The following MAP3K20 variants were observed in gnomAD, a reference collection of about 807,000 sequenced individuals.
MAP3K20 encodes the protein HCCS-4.
Under a neutral mutation model 85.7 loss-of-function variants are expected in MAP3K20, and 40 were observed. The observed-to-expected ratio is 0.47, with a 90% CI of 0.36 to 0.61. MAP3K20 has a LOEUF of 0.61. Among genes scored for constraint, MAP3K20 ranks in the 20% least tolerant of loss-of-function variants. The probability of loss-of-function intolerance (pLI) is 0.00; values close to 1 mark genes in which losing one functional copy is unlikely to be tolerated. For synonymous variants in MAP3K20, 325 were observed against 327.7 expected, an observed-to-expected ratio of 0.99 and a Z score of 0.09; for missense variants, 817 against 961.7, an observed-to-expected ratio of 0.85 and a Z score of 1.99.
At chr2:173,154,906 G>A (rs1332481776) in intron 2 of MAP3K20, among the ~76,000 whole-genome samples, 3 of 152,144 alleles carry the variant, frequency 2.0e-5, no homozygotes, top group African/African-American at 7.2e-5. Context: ...GGATTAGGGT[G>A]CCAATAGAAA....
rs575273565 is a variant in MAP3K20, at chr2:173,215,457, G to A, written c.852-1658G>A. 2.6e-5 allele frequency among the ~76,000 whole-genome samples: 4 copies of A among 152,280 alleles called. No individual in the cohort carries two copies. The South Asian group carries it at 8.3e-4, about 32-fold the overall frequency. On this transcript the variant is annotated intron_variant, in intron 10 of 19. Coordinates refer to ENST00000375213, the MANE Select transcript of MAP3K20 (RefSeq NM_016653.3). ...CATAATATTTTTGTCAGAAATATCA[G>A]GGATAAAATTTGGATTTTATGGTAC...
intron 2 of MAP3K20, 80 bp from the exon 3 acceptor site, chr2:173,169,725 A>C (rs1689945759): frequency 6.9e-7 from 1 of 1,444,286 alleles, no homozygotes; most frequent in Non-Finnish European, 9.6e-7. Context: ...AACTCAAAAA[A>C]AAATGAGTAG....
chr2:173,121,570 G>T (rs1688289872), intron 2 of MAP3K20, among the ~76,000 whole-genome samples: 1 of 151,734 alleles, frequency 6.6e-6, no homozygotes. Context: ...TGTATTTTTA[G>T]TAGAGACGGG....
At chr2:173,167,685 C>T (rs1053514016) in intron 2 of MAP3K20, among the ~76,000 whole-genome samples, 1 of 152,130 alleles carries the variant, frequency 6.6e-6, no homozygotes, top group South Asian at 2.1e-4. Context: ...GTTAGACATG[C>T]TTACCGGCAC....
chr2:173,247,352 T>C (rs1390479347), intron 16 of MAP3K20, among the ~76,000 whole-genome samples: 3 of 152,258 alleles, frequency 2.0e-5, no homozygotes, highest in Admixed American at 6.5e-5. Context: ...TTTTTCCCTA[T>C]TGTGCAATCT....
intron 19 of MAP3K20, among the ~76,000 whole-genome samples, chr2:173,265,206 C>T (rs536296608): frequency 6.6e-6 from 1 of 152,264 alleles, no homozygotes; most frequent in African/African-American, 2.4e-5. Flanking sequence ...GCACTATCTG[C>T]GTGAGCAGGG....
chr2:173,217,355 C>G, intron 11 of MAP3K20, 105 bp downstream of exon 11: 1 of 1,308,152 alleles, frequency 7.6e-7, no homozygotes, highest in Non-Finnish European at 9.9e-7. Context: ...GCCCCCTCCT[C>G]ATTTCCTGCC....
intron 2 of MAP3K20, among the ~76,000 whole-genome samples, chr2:173,127,307 T>G (rs1688472074): frequency 6.6e-6 from 1 of 152,236 alleles, no homozygotes. Context: ...GATTTACTGC[T>G]CTGCCCTTCT....
intron 16 of MAP3K20, among the ~76,000 whole-genome samples, chr2:173,251,019 G>A (rs1378272836): frequency 6.6e-6 from 1 of 152,162 alleles, no homozygotes; most frequent in Admixed American, 6.5e-5. Flanking sequence ...TAAAACTGCA[G>A]GTTTCAGCAG....
At chr2:173,098,033 G>A (rs1687513313) in intron 2 of MAP3K20, among the ~76,000 whole-genome samples, 4 of 152,094 alleles carry the variant, frequency 2.6e-5, no homozygotes, top group African/African-American at 7.2e-5. Flanking sequence ...TTAATTGTAA[G>A]TGCTATTTTA....
At chr2:173,252,250 A>T (rs2106348250) in intron 16 of MAP3K20, among the ~76,000 whole-genome samples, 1 of 152,338 alleles carries the variant, frequency 6.6e-6, no homozygotes, top group Admixed American at 6.5e-5. Context: ...TGTAATAGTG[A>T]TTTCTCACAA....
At chr2:173,101,013 G>A (rs2106160382) in intron 2 of MAP3K20, among the ~76,000 whole-genome samples, 1 of 152,242 alleles carries the variant, frequency 6.6e-6, no homozygotes, top group African/African-American at 2.4e-5. Context: ...GACACATGTT[G>A]AGCAAATAAA....
intron 14 of MAP3K20, among the ~76,000 whole-genome samples, chr2:173,237,353 G>A (rs1574145887): frequency 6.6e-6 from 1 of 151,932 alleles, no homozygotes; most frequent in Admixed American, 6.6e-5. Context: ...CTTTGTGTTT[G>A]TCCCTCCCTT....
chr2:173,223,201 A>ACAG, intron 11 of MAP3K20: 1 of 985,458 alleles, frequency 1.0e-6, no homozygotes, highest in Non-Finnish European at 1.2e-6. Flanking sequence ...TGTGAGGTGT[A>ACAG]CAGCAGTCTA....
chr2:173,185,876 C>T (rs534822027), intron 4 of MAP3K20, among the ~76,000 whole-genome samples: 8 of 152,120 alleles, frequency 5.3e-5, no homozygotes, highest in African/African-American at 1.4e-4. Context: ...CAGTTCTCCC[C>T]AAAAGTCTCC....
intron 2 of MAP3K20, among the ~76,000 whole-genome samples, chr2:173,097,746 G>C (rs1687504889): frequency 2.0e-5 from 3 of 152,220 alleles, no homozygotes; most frequent in African/African-American, 7.2e-5. Flanking sequence ...AGATCAACAT[G>C]TCAAACTGGT....
At chr2:173,206,751 T>C (rs1285703081) in intron 9 of MAP3K20, among the ~76,000 whole-genome samples, 21 of 152,092 alleles carry the variant, frequency 1.4e-4, no homozygotes, top group Admixed American at 1.4e-3. Context: ...TTACATGTAT[T>C]TGCCTATTGC....
intron 2 of MAP3K20, among the ~76,000 whole-genome samples, chr2:173,136,977 T>TC (rs2106208553): frequency 6.6e-6 from 1 of 152,332 alleles, no homozygotes; most frequent in South Asian, 2.1e-4. Flanking sequence ...AACATTAAGA[T>TC]CTTTGTTCTA....
At chr2:173,086,328 T>C (rs1418752919) in intron 1 of MAP3K20, among the ~76,000 whole-genome samples, 1 of 152,132 alleles carries the variant, frequency 6.6e-6, no homozygotes, top group Admixed American at 6.5e-5. Context: ...TTGATCCCCT[T>C]AGAAAAATGA....
Sources: gnomAD v4.1 joint callset for allele counts (sites outside exome capture counted in the v4.1 genomes callset) on GRCh38, gnomAD v4.1.1 for gene constraint, MANE v1.5 for transcripts, NCBI Gene and HGNC (gene_info 2026-07-23, HGNC 2026-07-21) for gene names.